Variants in DISC1 observed in about 807,000 individuals in gnomAD.
DISC1 encodes DISC1 scaffold protein.
A neutral mutation model predicts 84.5 loss-of-function variants in DISC1; 57 were observed. That is an observed-to-expected ratio of 0.67 (90% CI 0.55 to 0.84). DISC1 has a LOEUF of 0.84. Ranked by LOEUF, DISC1 falls within the 40% of genes least tolerant of loss-of-function variation. The pLI, the probability that DISC1 is intolerant of heterozygous loss-of-function variation, is 0.00. For missense variants in DISC1, 1,000 were observed against 1,057.8 expected (o/e 0.95, Z 0.76); for synonymous variants, 411 against 415.2 (o/e 0.99, Z 0.12).
intron 9 of DISC1, among the ~76,000 whole-genome samples, chr1:231,820,415 A>G (rs1219579619): frequency 6.6e-6 from 1 of 152,246 alleles, no homozygotes; most frequent in Non-Finnish European, 1.5e-5. Context: ...GTACTTATGC[A>G]CATACACATA....
At chr1:231,721,636 A>G (rs1444967545) in intron 3 of DISC1, among the ~76,000 whole-genome samples, 1 of 152,114 alleles carries the variant, frequency 6.6e-6, no homozygotes, top group African/African-American at 2.4e-5. Context: ...GGATCCATGT[A>G]TTCTCTTCAG....
chr1:231,962,086 ATGGTATCTCATTATGGTTTTGAT>A (rs1660465892), intron 10 of DISC1, among the ~76,000 whole-genome samples: 1 of 152,162 alleles, frequency 6.6e-6, no homozygotes, highest in Non-Finnish European at 1.5e-5. Context: ...CTAATGTGAG[ATGGTATCTCATTATGGTTTTGAT>A]TTACATTTCT....
intron 10 of DISC1, among the ~76,000 whole-genome samples, chr1:231,990,040 A>G (rs1664994656): frequency 1.3e-5 from 2 of 152,008 alleles, no homozygotes; most frequent in South Asian, 2.1e-4. Flanking sequence ...CTCCTCCCCT[A>G]CTGGTTCTGC....
intron 9 of DISC1, chr1:231,818,806 C>A: frequency 8.1e-7 from 1 of 1,228,216 alleles, no homozygotes; most frequent in Non-Finnish European, 1.0e-6. Flanking sequence ...TCTCCCTTGG[C>A]AAGGTCTTGA....
chr1:232,002,876 C>T (rs1754603), intron 10 of DISC1, among the ~76,000 whole-genome samples: 43,288 of 151,790 alleles, frequency 0.29, 6,430 homozygotes, highest in African/African-American at 0.33. Context: ...GATAAAATCA[C>T]ATAAAACTAT....
intron 9 of DISC1, among the ~76,000 whole-genome samples, chr1:231,938,209 G>T (rs2091097973): frequency 6.6e-6 from 1 of 152,186 alleles, no homozygotes; most frequent in Admixed American, 6.5e-5. Context: ...GCAGAAGTGA[G>T]GAAGGTTATG....
intron 3 of DISC1, chr1:231,702,809 CA>C (rs2066580980): frequency 6.3e-6 from 1 of 158,206 alleles, no homozygotes; most frequent in African/African-American, 2.4e-5. Context: ...TTTAGATGCT[CA>C]TTGCAAGATC....
At chr1:231,818,680 C>G in intron 9 of DISC1, 163 bp downstream of exon 9, 1 of 1,443,118 alleles carries the variant, frequency 6.9e-7, no homozygotes, top group East Asian at 2.5e-5. Context: ...CCTTGGCAAA[C>G]CGAATGGAAT....
chr1:231,631,504 C>G (rs1222898582), intron 1 of DISC1, among the ~76,000 whole-genome samples: 1 of 152,084 alleles, frequency 6.6e-6, no homozygotes, highest in Non-Finnish European at 1.5e-5. Context: ...TGAAGGCCTT[C>G]CAACGGGACA....
intron 9 of DISC1, among the ~76,000 whole-genome samples, chr1:231,867,356 T>C (rs934241235): frequency 6.6e-6 from 1 of 152,178 alleles, no homozygotes; most frequent in Non-Finnish European, 1.5e-5. Context: ...CAGATGAGAA[T>C]AGGCAGCATA....
At chr1:231,691,783 C>T (rs948405092) in intron 1 of DISC1, among the ~76,000 whole-genome samples, 3 of 152,186 alleles carry the variant, frequency 2.0e-5, no homozygotes, top group African/African-American at 4.8e-5. Flanking sequence ...ATGAGTAGTG[C>T]GTGTGCCTGA....
intron 12 of DISC1, among the ~76,000 whole-genome samples, chr1:232,030,227 T>C (rs1051588687): frequency 6.6e-6 from 1 of 152,216 alleles, no homozygotes; most frequent in African/African-American, 2.4e-5. Flanking sequence ...TCTGGGGTCC[T>C]AATTAGCAGT....
intron 9 of DISC1, among the ~76,000 whole-genome samples, chr1:231,911,278 C>G (rs945575623): frequency 5.3e-5 from 8 of 152,136 alleles, no homozygotes; most frequent in African/African-American, 1.9e-4. Context: ...CCTCGATGGT[C>G]TTTACAATTT....
chr1:232,024,645 T>A (rs1010716367), intron 11 of DISC1, among the ~76,000 whole-genome samples: 4 of 151,956 alleles, frequency 2.6e-5, no homozygotes, highest in Non-Finnish European at 5.9e-5. Flanking sequence ...CAGGCTGGAG[T>A]GCAGTGGCAT....
chr1:232,035,076 C>G (rs934192314), intron 12 of DISC1, among the ~76,000 whole-genome samples: 1 of 152,114 alleles, frequency 6.6e-6, no homozygotes, highest in Non-Finnish European at 1.5e-5. Flanking sequence ...ACTGCCAGAA[C>G]TTTTCAGGGT....
intron 1 of DISC1, among the ~76,000 whole-genome samples, chr1:231,680,913 C>G (rs2063624433): frequency 6.6e-6 from 1 of 152,164 alleles, no homozygotes; most frequent in African/African-American, 2.4e-5. Context: ...AAGAAGCTGT[C>G]TTTTGCTAGG....
At chr1:231,884,064 A>G (rs4658889) in intron 9 of DISC1, among the ~76,000 whole-genome samples, 131,086 of 151,930 alleles carry the variant, frequency 0.86, 56,791 homozygotes, top group East Asian at 1. Context: ...TTTGAGAGAT[A>G]AGAATCATCT....
intron 3 of DISC1, among the ~76,000 whole-genome samples, chr1:231,749,413 T>C (rs2074358302): frequency 6.6e-6 from 1 of 152,224 alleles, no homozygotes; most frequent in South Asian, 2.1e-4. Context: ...ACCCCTACTT[T>C]ACAACAGAAG....
chr1:231,648,329 T>C (rs537600028), intron 1 of DISC1, among the ~76,000 whole-genome samples: 86 of 152,356 alleles, frequency 5.6e-4, no homozygotes, highest in African/African-American at 1.9e-3. Context: ...GTGTTTTTTT[T>C]CATTGGTTCT....
Sources: allele counts gnomAD v4.1 joint callset (sites outside exome capture counted in the v4.1 genomes callset), GRCh38; gene constraint gnomAD v4.1.1; transcripts MANE v1.5; gene names NCBI Gene and HGNC (gene_info 2026-07-23, HGNC 2026-07-21).